The following MTMR6 variants were observed in gnomAD, a reference collection of about 807,000 sequenced individuals.
The protein encoded by MTMR6 is phosphatidylinositol-3,5-bisphosphate 3-phosphatase MTMR6.
A neutral mutation model predicts 80.1 loss-of-function variants in MTMR6; 47 were observed. The ratio of observed to expected loss-of-function variants is 0.59; its 90% CI spans 0.46 to 0.75. The LOEUF (loss-of-function observed/expected upper bound fraction) is 0.75, where lower values mean the gene tolerates loss of function less well. Among genes scored for constraint, MTMR6 ranks in the 30% least tolerant of loss-of-function variants. The pLI is 0.00. For synonymous variants in MTMR6, 254 were observed against 253.0 expected, an observed-to-expected ratio of 1.00 and a Z score of -0.04; for missense variants, 629 against 730.9, an observed-to-expected ratio of 0.86 and a Z score of 1.61.
In MTMR6 at chr13:25,285,540, C is replaced by CTT. The variant is rs571735915; in HGVS notation, c.24+1682_24+1683dup. On this transcript the variant is annotated intron_variant, in intron 1 of 13. Coordinates refer to ENST00000381801, the MANE Select transcript of MTMR6 (RefSeq NM_004685.5). ...GGTACATACCACCCCACCCGGCTTT[C>CTT]TTTTTTTTTTTTGAGACTGAGTCCC... Among the ~76,000 whole-genome samples the CTT allele has an allele frequency of 4.6e-4, 66 of 143,642 alleles. 1 individual carries two copies. Among genetic ancestry groups the CTT allele is most frequent in the Admixed American group, 1.3e-3 (18 of 14,380 alleles). 94.2% of individuals were successfully genotyped at this position (143,642 alleles called of 152,430 possible). A position where few individuals can be genotyped will look rare whatever the true frequency, so the allele number is the denominator to read the frequency against.
chr13:25,269,645 A>G (rs2137582863), intron 2 of MTMR6, among the ~76,000 whole-genome samples: 1 of 152,118 alleles, frequency 6.6e-6, no homozygotes, highest in African/African-American at 2.4e-5. Context: ...GATTATTTAT[A>G]TAATACACAT....
chr13:25,277,013 A>C (rs182077272), intron 1 of MTMR6, among the ~76,000 whole-genome samples: 1 of 152,348 alleles, frequency 6.6e-6, no homozygotes, highest in Non-Finnish European at 1.5e-5. Context: ...TTCCCAAGCC[A>C]AAACACCTTC....
chr13:25,254,612 G>T (rs966049642), intron 9 of MTMR6, among the ~76,000 whole-genome samples, 178 bp from the exon 10 acceptor site: 3 of 152,138 alleles, frequency 2.0e-5, no homozygotes, highest in Non-Finnish European at 4.4e-5. Flanking sequence ...TGGGGTTAAA[G>T]AAGAATAAAA....
intron 2 of MTMR6, among the ~76,000 whole-genome samples, chr13:25,271,735 A>G (rs1957581299): frequency 6.6e-6 from 1 of 152,218 alleles, no homozygotes; most frequent in Admixed American, 6.5e-5. Context: ...TGTTGGCTCC[A>G]TGAGGATAGA....
At chr13:25,284,769 C>T (rs866204915) in intron 1 of MTMR6, among the ~76,000 whole-genome samples, 9 of 152,118 alleles carry the variant, frequency 5.9e-5, no homozygotes, top group African/African-American at 2.2e-4. Context: ...TAAGTTATTT[C>T]CCAATACATT....
chr13:25,280,060 G>A (rs1478711511), intron 1 of MTMR6, among the ~76,000 whole-genome samples: 2 of 152,182 alleles, frequency 1.3e-5, no homozygotes, highest in African/African-American at 2.4e-5. Context: ...AGCTGTGACA[G>A]AGAGGAAGTC....
chr13:25,249,678 C>G (rs1957044864), intron 13 of MTMR6, among the ~76,000 whole-genome samples, 186 bp from the exon 14 acceptor site: 2 of 152,154 alleles, frequency 1.3e-5, no homozygotes, highest in East Asian at 1.9e-4. Flanking sequence ...CAATTTTTTG[C>G]TGTGGAAAAT....
intron 1 of MTMR6, among the ~76,000 whole-genome samples, chr13:25,285,678 C>A (rs3923861): frequency 1.3e-5 from 2 of 151,812 alleles, no homozygotes; most frequent in South Asian, 2.1e-4. Context: ...GGATTACAGG[C>A]GCCTGCCACC....
chr13:25,251,718 T>C lies in MTMR6; in HGVS notation c.1536A>G (p.Val512=). The C allele has an allele frequency of 6.3e-7, 1 of 1,584,654 alleles. No homozygotes were observed. The highest frequency in any genetic ancestry group is 1.3e-5 in the African/African-American group (1 of 74,174). ...CATTCATATTCATAATTATATTAAA[T>C]ACAGACTGCCTAGGATGCAGTGTTC... is the stretch of plus-strand genomic sequence containing the variant. ...FDRTLHPRQS[V]FNIIMNMNEQ... Residue 512 remains valine, a synonymous_variant, in exon 13 of 14, where the codon GTA becomes GTG. Coordinates refer to ENST00000381801, the MANE Select transcript of MTMR6 (RefSeq NM_004685.5). The surrounding 1 kb of genome is among the most constrained non-coding windows in gnomAD (Gnocchi z 4.1).
chr13:25,281,152 C>A (rs975767460), intron 1 of MTMR6, among the ~76,000 whole-genome samples: 22 of 152,096 alleles, frequency 1.4e-4, no homozygotes, highest in African/African-American at 4.8e-4. Context: ...CATAGTGACA[C>A]CCTCATCTCT....
rs1957451475 is a variant in MTMR6 at position 25,266,225 on chromosome 13, T to C, written c.366A>G (p.Leu122=). 6.2e-7 allele frequency: 1 copy of C among 1,613,878 alleles called. No individual in the cohort carries two copies. Among genetic ancestry groups the C allele is most frequent in the Middle Eastern group, 1.6e-4 (1 of 6,062 alleles). The change falls in exon 4 of 14, where the codon CTA becomes CTG. Residue 122 remains leucine, a synonymous_variant. Transcript: ENST00000381801. The part of the protein sequence containing the change: ...YNPKQNDSER[L]QGWQLIDLAE... ...CGAGATCAATGAGCTGCCAGCCTTG[T>C]AGTCGTTCTGAATCATTTTGTTTGG...
intron 1 of MTMR6, among the ~76,000 whole-genome samples, chr13:25,283,200 A>G (rs755245235): frequency 9.2e-5 from 14 of 152,124 alleles, no homozygotes; most frequent in Non-Finnish European, 1.8e-4. Flanking sequence ...CTGTGAGGCA[A>G]GAGAGTGTGG....
chr13:25,271,453 C>T (rs1042504278), intron 2 of MTMR6, among the ~76,000 whole-genome samples: 19 of 152,170 alleles, frequency 1.2e-4, no homozygotes, highest in African/African-American at 4.6e-4. Context: ...TCTACGTGAG[C>T]TCATTTTACT....
At chr13:25,274,447 C>A (rs1349423645) in intron 1 of MTMR6, among the ~76,000 whole-genome samples, 1 of 152,064 alleles carries the variant, frequency 6.6e-6, no homozygotes, top group African/African-American at 2.4e-5. Flanking sequence ...TTGAGGGTAG[C>A]AAGAAACAGG....
At position 25,249,069 on chromosome 13, in the gene MTMR6, T is replaced by A. The variant is rs7999040; in HGVS notation, c.*163A>T. On this transcript the variant is annotated 3_prime_UTR_variant, in exon 14 of 14. Transcript: ENST00000381801. ...TTGCTGGAAATGCAATTAAAATGAC[T>A]TATTTCTCTCACAAGGGTAGTTATT... 0.74 allele frequency: 488,406 copies of A among 661,974 alleles called. 191,465 individuals are homozygous for A. Among genetic ancestry groups the A allele is most frequent in the Non-Finnish European group, 0.84 (339,226 of 405,618 alleles). 41.0% of individuals were successfully genotyped at this position (661,974 alleles called of 1,614,324 possible).
At chr13:25,259,761 A>G (rs1957290844) in intron 6 of MTMR6, among the ~76,000 whole-genome samples, 2 of 152,198 alleles carry the variant, frequency 1.3e-5, no homozygotes, top group African/African-American at 4.8e-5. Flanking sequence ...TATATCTAAT[A>G]TTATCAAAAA....
In MTMR6 at chr13:25,246,265, GT is replaced by G. The variant is rs1373972388; in HGVS notation, c.*2966del. 6 of 152,516 alleles carry G rather than the reference GT, an allele frequency of 3.9e-5. No individual in the cohort carries two copies. Among genetic ancestry groups the G allele is most frequent in the Non-Finnish European group, 7.4e-5 (5 of 68,004 alleles). The allele number at this position is 152,516 out of a possible 1,614,324, so 9.4% of individuals were successfully genotyped here. A position where few individuals can be genotyped will look rare whatever the true frequency, so the allele number is the denominator to read the frequency against. Reference sequence around the variant, plus strand: ...GTTTATTAAAATGTCAAGGTTTCATGTTTACATTTTCTTATATCAAGTACAA... The same window carrying G: ...GTTTATTAAAATGTCAAGGTTTCATGTTACATTTTCTTATATCAAGTACAA... On this transcript the variant is annotated 3_prime_UTR_variant, in exon 14 of 14. Coordinates refer to ENST00000381801, the MANE Select transcript of MTMR6 (RefSeq NM_004685.5).
At position 25,287,230 on chromosome 13, in the gene MTMR6, C is replaced by T. The variant is rs780516003; in HGVS notation, c.18G>A (p.Thr6=). ...CGATCCCGCGCCCGACTACCTTGGT[C>T]GTCCGGATATGCTCCATCGCAAGGA... MEHIR[T]TKVEQVKLLD... is the part of the protein sequence containing the mutation. The change falls in exon 1 of 14, where the codon ACG becomes ACA. Residue 6 remains threonine, a synonymous_variant. Coordinates refer to ENST00000381801, the MANE Select transcript of MTMR6 (RefSeq NM_004685.5). The T allele has an allele frequency of 6.3e-7, 1 of 1,598,258 alleles. No homozygotes were observed. Among genetic ancestry groups the T allele is most frequent in the Non-Finnish European group, 8.5e-7 (1 of 1,174,980 alleles).
At chr13:25,259,016 C>T (rs531305305) in intron 6 of MTMR6, among the ~76,000 whole-genome samples, 4 of 152,262 alleles carry the variant, frequency 2.6e-5, no homozygotes, top group Non-Finnish European at 5.9e-5. Flanking sequence ...TGTCTCCTAT[C>T]TAATTTCTAA....
Sources: allele counts gnomAD v4.1 joint callset (sites outside exome capture counted in the v4.1 genomes callset), GRCh38; gene constraint gnomAD v4.1.1; non-coding constraint Gnocchi (gnomAD v3.1); transcripts MANE v1.5; gene names NCBI Gene and HGNC (gene_info 2026-07-23, HGNC 2026-07-21).